The following CHRNA6 variants were observed in gnomAD, a reference collection of about 807,000 sequenced individuals.
The protein encoded by CHRNA6 is cholinergic receptor nicotinic alpha 6 subunit.
In CHRNA6, 31 loss-of-function variants were observed where a neutral mutation model predicts 40.9. The ratio of observed to expected loss-of-function variants is 0.76; its 90% confidence interval spans 0.57 to 1.02. CHRNA6 has a LOEUF of 1.02. CHRNA6 is among the 50% of genes least tolerant of loss of function. CHRNA6 has a pLI of 0.00. For synonymous variants in CHRNA6, 222 were observed against 221.3 expected (o/e 1.00, Z -0.03); for missense variants, 546 against 596.6 (o/e 0.92, Z 0.88).
chr8:42,760,632 TCACA>T (rs1816891223), intron 2 of CHRNA6, among the ~76,000 whole-genome samples: 1 of 151,508 alleles, frequency 6.6e-6, no homozygotes, highest in South Asian at 2.1e-4. Flanking sequence ...GCACACACAC[TCACA>T]GTCATGCACA....
chr8:42,756,302 C>A lies in CHRNA6; in HGVS notation c.897G>T (p.Val299=), dbSNP rs375238294. 2 of 1,614,210 alleles carry A rather than the reference C, an allele frequency of 1.2e-6. No homozygotes were observed. Among genetic ancestry groups the A allele is most frequent in the Non-Finnish European group, 1.7e-6 (2 of 1,180,036 alleles). ...ITETIPSTSL[V]VPLVGEYLLF... Reference sequence around the variant, plus strand: ...GCAGGTACTCACCCACCAGTGGGACCACCAGAGATGTGGATGGGATGGTTT... The same window carrying A: ...GCAGGTACTCACCCACCAGTGGGACAACCAGAGATGTGGATGGGATGGTTT... The change falls in exon 5 of 6, where the codon GTG becomes GTT. Residue 299 remains valine (V), a synonymous_variant. Coordinates refer to ENST00000276410, the MANE Select transcript of CHRNA6 (RefSeq NM_004198.3).
intron 2 of CHRNA6, among the ~76,000 whole-genome samples, chr8:42,763,533 G>A (rs1390392677): frequency 6.6e-6 from 1 of 152,118 alleles, no homozygotes; most frequent in Non-Finnish European, 1.5e-5. Context: ...TGTCCAGCAG[G>A]GTTATGGAGA....
chr8:42,761,047 C>T (rs1437353945), intron 2 of CHRNA6, among the ~76,000 whole-genome samples: 1 of 152,172 alleles, frequency 6.6e-6, no homozygotes, highest in Non-Finnish European at 1.5e-5. Context: ...GACTCAGACA[C>T]CAGCTTCCCC....
rs201222770 is a variant in CHRNA6 at position 42,765,105 on chromosome 8, G to A, written c.179C>T (p.Thr60Met). 9.3e-6 allele frequency: 15 copies of A among 1,614,090 alleles called. No homozygotes were observed. In the Admixed American group the frequency reaches 1.5e-4, roughly 16 times the overall value. ...RPVENVSDPVTVHFEVAITQL... is the reference protein window; with the variant it reads ...RPVENVSDPVMVHFEVAITQL... ...GGTGATGGCCACTTCAAAGTGTACC[G>A]TGACAGGGTCGGAAACGTTTTCCAC... The change falls in exon 2 of 6, where the codon ACG becomes ATG. Residue 60 changes from threonine to methionine, a missense_variant. Thr to Met is a moderately conservative substitution (Grantham distance 81). Coordinates refer to ENST00000276410, the MANE Select transcript of CHRNA6 (RefSeq NM_004198.3).
chr8:42,762,920 G>C (rs902968343), intron 2 of CHRNA6, among the ~76,000 whole-genome samples: 1 of 152,140 alleles, frequency 6.6e-6, no homozygotes, highest in Non-Finnish European at 1.5e-5. Flanking sequence ...TCTTACAACT[G>C]CATGTCAATC....
At chr8:42,760,886 C>A (rs932479431) in intron 2 of CHRNA6, among the ~76,000 whole-genome samples, 7 of 152,292 alleles carry the variant, frequency 4.6e-5, no homozygotes, top group African/African-American at 1.7e-4. Context: ...CCTTGAGTGG[C>A]CTTACAGCCC....
At chr8:42,756,883 C>A in intron 4 of CHRNA6, 45 bp downstream of exon 4, 2 of 1,611,252 alleles carry the variant, frequency 1.2e-6, no homozygotes, top group South Asian at 1.1e-5. Flanking sequence ...CAGAATACAC[C>A]AACAGCAGCT....
chr8:42,755,594 G>C (rs1376560546), intron 5 of CHRNA6, among the ~76,000 whole-genome samples: 5 of 152,090 alleles, frequency 3.3e-5, no homozygotes. Flanking sequence ...TTCATTTTAA[G>C]CAAATTTTAC....
intron 2 of CHRNA6, among the ~76,000 whole-genome samples, chr8:42,763,313 G>C (rs1816930934): frequency 6.6e-6 from 1 of 152,156 alleles, no homozygotes; most frequent in Non-Finnish European, 1.5e-5. Context: ...AAACATACAT[G>C]TGCAACCACT....
At chr8:42,766,393 T>G (rs1298021517) in intron 1 of CHRNA6, among the ~76,000 whole-genome samples, 1 of 151,834 alleles carries the variant, frequency 6.6e-6, no homozygotes, top group Non-Finnish European at 1.5e-5. Flanking sequence ...TTGGGAGGCT[T>G]AGGCAGGAGA....
chr8:42,753,680 T>C (rs1243594158), intron 5 of CHRNA6, among the ~76,000 whole-genome samples: 1 of 151,820 alleles, frequency 6.6e-6, no homozygotes, highest in Non-Finnish European at 1.5e-5. Flanking sequence ...TTTCGAAAAA[T>C]AAATAAAAAT....
At chr8:42,754,800 T>C (rs1051839931) in intron 5 of CHRNA6, among the ~76,000 whole-genome samples, 5 of 152,094 alleles carry the variant, frequency 3.3e-5, no homozygotes, top group African/African-American at 9.7e-5. Context: ...ATAGTTAGAC[T>C]CTGGACAGCA....
chr8:42,761,737 G>A (rs1816908246), intron 2 of CHRNA6, among the ~76,000 whole-genome samples: 1 of 152,192 alleles, frequency 6.6e-6, no homozygotes, highest in Non-Finnish European at 1.5e-5. Context: ...TGCCGGAGGA[G>A]TCCAAAGACC....
chr8:42,758,783 A>G (rs1306905021), intron 3 of CHRNA6, among the ~76,000 whole-genome samples: 1 of 152,228 alleles, frequency 6.6e-6, no homozygotes, highest in Non-Finnish European at 1.5e-5. Context: ...ATCAAAGAGC[A>G]GGCAAGCATC....
At chr8:42,765,243 G>T in intron 1 of CHRNA6, 39 bp from the exon 2 acceptor site, 1 of 1,604,076 alleles carries the variant, frequency 6.2e-7, no homozygotes, top group Non-Finnish European at 8.5e-7. Context: ...GAGCCAGCCC[G>T]GCCACTGGCC....
chr8:42,768,390 A>ACAC lies in CHRNA6; in HGVS notation c.40_41insGTG (p.Leu14delinsCysVal). 7 of 1,614,078 alleles carry ACAC rather than the reference A, an allele frequency of 4.3e-6. No homozygotes were observed. The highest frequency in any genetic ancestry group is 5.9e-6 in the Non-Finnish European group (7 of 1,179,924). ...TGTGAACACACACAGCCAGAGACAC[A>ACAC]AGCCCCCATGAAGGAATCCCTGCCC... On this transcript the variant is annotated protein_altering_variant, in exon 1 of 6. Coordinates refer to ENST00000276410, the MANE Select transcript of CHRNA6 (RefSeq NM_004198.3).
chr8:42,764,786 G>A (rs1043103961), intron 2 of CHRNA6, among the ~76,000 whole-genome samples: 1 of 152,142 alleles, frequency 6.6e-6, no homozygotes. Flanking sequence ...GTGTAAACAG[G>A]CGTCTGGTGC....
At chr8:42,760,756 A>G (rs1203718463) in intron 2 of CHRNA6, among the ~76,000 whole-genome samples, 1 of 152,238 alleles carries the variant, frequency 6.6e-6, no homozygotes, top group Non-Finnish European at 1.5e-5. Flanking sequence ...GCAGATACTT[A>G]AATGACCAGA....
intron 3 of CHRNA6, among the ~76,000 whole-genome samples, chr8:42,757,588 C>A (rs928659997): frequency 1.4e-5 from 2 of 145,244 alleles, no homozygotes; most frequent in African/African-American, 5.3e-5. Context: ...AAAAAATTAG[C>A]CAGGCATGGT....
Sources: allele counts gnomAD v4.1 joint callset (sites outside exome capture counted in the v4.1 genomes callset), GRCh38; gene constraint gnomAD v4.1.1; transcripts MANE v1.5; gene names NCBI Gene and HGNC (gene_info 2026-07-23, HGNC 2026-07-21).